Variants in OLA1 observed in about 807,000 individuals in gnomAD.
OLA1 encodes Obg like ATPase 1.
A neutral mutation model predicts 48.4 loss-of-function variants in OLA1; 14 were observed. The ratio of observed to expected loss-of-function variants is 0.29; its 90% CI spans 0.19 to 0.45. The LOEUF (loss-of-function observed/expected upper bound fraction) is 0.45. OLA1 is among the 20% of genes least tolerant of loss of function. The pLI is 1.00. For missense variants in OLA1, 325 were observed against 467.1 expected, an observed-to-expected ratio of 0.70 and a Z score of 2.80; for synonymous variants, 127 against 150.4, an observed-to-expected ratio of 0.84 and a Z score of 1.14.
intron 2 of OLA1, among the ~76,000 whole-genome samples, chr2:174,241,082 A>C (rs1171676137): frequency 6.6e-6 from 1 of 152,176 alleles, no homozygotes; most frequent in Non-Finnish European, 1.5e-5. Flanking sequence ...CCAGACGCCA[A>C]GATATAAGGA....
At chr2:174,092,026 A>G (rs1299330529) in intron 7 of OLA1, among the ~76,000 whole-genome samples, 2 of 150,876 alleles carry the variant, frequency 1.3e-5, no homozygotes, top group Admixed American at 6.6e-5. Flanking sequence ...ATTAGTGGAT[A>G]GATAAACAGA....
intron 4 of OLA1, among the ~76,000 whole-genome samples, chr2:174,166,885 C>A (rs1687178318): frequency 1.3e-5 from 2 of 152,100 alleles, no homozygotes; most frequent in African/African-American, 4.8e-5. Flanking sequence ...TAATAAGGGG[C>A]CTTCTTTATG....
At chr2:174,142,094 AT>A in intron 4 of OLA1, 94 bp from the exon 5 acceptor site, 1 of 1,075,594 alleles carries the variant, frequency 9.3e-7, no homozygotes, top group Non-Finnish European at 1.3e-6. Flanking sequence ...TAACAAATAA[AT>A]ATAATAAATA....
At chr2:174,162,051 G>C (rs1484143793) in intron 4 of OLA1, among the ~76,000 whole-genome samples, 2 of 152,074 alleles carry the variant, frequency 1.3e-5, no homozygotes, top group African/African-American at 4.8e-5. Flanking sequence ...CTCAAAGGCA[G>C]GAAAAGTGAG....
At chr2:174,120,952 T>C (rs868046149) in intron 7 of OLA1, among the ~76,000 whole-genome samples, 11 of 152,278 alleles carry the variant, frequency 7.2e-5, no homozygotes, top group African/African-American at 2.6e-4. Context: ...ACATTACATG[T>C]TAATCTTAAA....
intron 7 of OLA1, among the ~76,000 whole-genome samples, chr2:174,109,855 A>C (rs892939209): frequency 1.1e-4 from 16 of 152,318 alleles, no homozygotes; most frequent in African/African-American, 3.4e-4. Context: ...CTACATGTGA[A>C]GGTTCGTTAC....
At chr2:174,243,171 G>A (rs1689046214) in intron 2 of OLA1, among the ~76,000 whole-genome samples, 2 of 152,144 alleles carry the variant, frequency 1.3e-5, no homozygotes, top group South Asian at 4.1e-4. Context: ...ACCACACCTG[G>A]CTAATTTTTG....
chr2:174,124,541 T>G (rs1256699722), intron 5 of OLA1, among the ~76,000 whole-genome samples: 2 of 152,178 alleles, frequency 1.3e-5, no homozygotes, highest in Non-Finnish European at 2.9e-5. Flanking sequence ...AAAAGCTGCG[T>G]GTGGCAAGGT....
intron 4 of OLA1, among the ~76,000 whole-genome samples, chr2:174,156,236 C>T (rs868215368): frequency 3.9e-5 from 6 of 152,200 alleles, no homozygotes; most frequent in African/African-American, 1.2e-4. Context: ...GAAGGGCTGA[C>T]CTGTGCATTG....
chr2:174,095,265 T>C (rs1485373288), intron 7 of OLA1, among the ~76,000 whole-genome samples: 1 of 151,208 alleles, frequency 6.6e-6, no homozygotes, highest in Non-Finnish European at 1.5e-5. Context: ...TTTACATTCC[T>C]ACCAGTACTG....
chr2:174,182,982 T>A (rs1687581298), intron 4 of OLA1, among the ~76,000 whole-genome samples: 1 of 152,218 alleles, frequency 6.6e-6, no homozygotes, highest in Admixed American at 6.5e-5. Flanking sequence ...AGTAGGTGTG[T>A]ACTGCCTCAG....
chr2:174,218,679 T>C (rs1185033027), intron 4 of OLA1, among the ~76,000 whole-genome samples: 1 of 152,180 alleles, frequency 6.6e-6, no homozygotes, highest in African/African-American at 2.4e-5. Flanking sequence ...ACAAACCTAC[T>C]GAAAATAAAA....
intron 4 of OLA1, among the ~76,000 whole-genome samples, chr2:174,198,350 T>A (rs1422914341): frequency 6.6e-6 from 1 of 152,240 alleles, no homozygotes; most frequent in Non-Finnish European, 1.5e-5. Flanking sequence ...TTGTAGGAAC[T>A]GAAGAAATCC....
intron 4 of OLA1, among the ~76,000 whole-genome samples, chr2:174,146,145 G>A (rs1686592310): frequency 9.5e-6 from 1 of 105,138 alleles, no homozygotes; most frequent in Non-Finnish European, 1.9e-5. Flanking sequence ...AACCATGGCA[G>A]GGGATGGAAG....
At chr2:174,121,274 C>T (rs1558963514) in intron 7 of OLA1, among the ~76,000 whole-genome samples, 1 of 152,160 alleles carries the variant, frequency 6.6e-6, no homozygotes, top group Non-Finnish European at 1.5e-5. Context: ...ATGCCATTCC[C>T]TATCACACAA....
chr2:174,166,624 A>C (rs1207243361), intron 4 of OLA1, among the ~76,000 whole-genome samples: 1 of 152,208 alleles, frequency 6.6e-6, no homozygotes, highest in East Asian at 1.9e-4. Flanking sequence ...ACGGTGCAAT[A>C]GTGCTTTTTG....
chr2:174,123,573 T>C, intron 6 of OLA1, 22 bp downstream of exon 6: 1 of 1,438,810 alleles, frequency 7.0e-7, no homozygotes, highest in Non-Finnish European at 9.6e-7. Flanking sequence ...CAGTAATAGA[T>C]GGCATGATAT....
chr2:174,163,769 T>C lies in OLA1; in HGVS notation c.374-21769A>G, dbSNP rs1296887063. Reference sequence around the variant, plus strand: ...ATATATATATATATATATATATATATATATATAAATAAATGTTTGGGTGCC... The same window carrying C: ...ATATATATATATATATATATATATACATATATAAATAAATGTTTGGGTGCC... On this transcript the variant is annotated intron_variant, in intron 4 of 10. Coordinates refer to ENST00000284719, the MANE Select transcript of OLA1 (RefSeq NM_013341.5). Among the ~76,000 whole-genome samples, 18 of 28,594 alleles carry C rather than the reference T, an allele frequency of 6.3e-4. No homozygotes were observed. The Admixed American group carries it at 7.0e-3, about 11-fold the overall frequency. 18.8% of individuals were successfully genotyped at this position (28,594 alleles called of 152,430 possible).
chr2:174,144,945 A>ATATATATATATAT (rs1307616947), intron 4 of OLA1, among the ~76,000 whole-genome samples: 5 of 68,284 alleles, frequency 7.3e-5, no homozygotes, highest in African/African-American at 1.9e-4. Context: ...AAAAAAAAAA[A>ATATATATATATAT]AAAAAAATAT....
Sources: gnomAD v4.1 joint callset for allele counts (sites outside exome capture counted in the v4.1 genomes callset) on GRCh38, gnomAD v4.1.1 for gene constraint, MANE v1.5 for transcripts, NCBI Gene and HGNC (gene_info 2026-07-23, HGNC 2026-07-21) for gene names.